C1QTNF12: variants seen among roughly 807,000 people sequenced by gnomAD.
C1QTNF12 encodes adipolin.
In C1QTNF12, 39 loss-of-function variants were observed where a neutral mutation model predicts 34.3. The observed-to-expected ratio is 1.14, with a 90% CI of 0.88 to 1.49. The LOEUF (loss-of-function observed/expected upper bound fraction) is 1.49, where lower values mean the gene tolerates loss of function less well. Ranked by LOEUF, C1QTNF12 falls within the 40% of genes most tolerant of loss-of-function variation. The probability of loss-of-function intolerance (pLI) is 0.00; values close to 1 mark genes in which losing one functional copy is unlikely to be tolerated. For synonymous variants in C1QTNF12, 220 were observed against 196.9 expected (o/e 1.12, Z -0.98); for missense variants, 497 against 424.7 (o/e 1.17, Z -1.50).
Position 1,242,489 on chromosome 1 carries a change from A to T in C1QTNF12, c.*59T>A. ...GCTCTTTATTGTGGTGACCACGGGC[A>T]TCAGTAGGAGGGTCCCCGGGATCCG... On this transcript the variant is annotated 3_prime_UTR_variant, in exon 8 of 8. Coordinates refer to ENST00000330388, the MANE Select transcript of C1QTNF12 (RefSeq NM_001014980.3). 7.7e-7 allele frequency: 1 copy of T among 1,305,384 alleles called. No individual in the cohort carries two copies. The highest frequency in any genetic ancestry group is 2.0e-4 in the Middle Eastern group (1 of 5,064). The allele number at this position is 1,305,384 out of a possible 1,614,324, so 80.9% of individuals were successfully genotyped here.
chr1:1,246,494 C>T lies in C1QTNF12; in HGVS notation c.177+20G>A. 4 of 1,231,118 alleles carry T rather than the reference C, an allele frequency of 3.2e-6. No individual in the cohort carries two copies. Among genetic ancestry groups the T allele is most frequent in the East Asian group, 3.2e-5 (1 of 31,624 alleles). The allele number at this position is 1,231,118 out of a possible 1,614,324, so 76.3% of individuals were successfully genotyped here. On this transcript the variant is annotated intron_variant, in intron 1 of 7. Transcript: ENST00000330388. This position sits in a 1 kb window ranked among gnomAD's most constrained non-coding sequence, Gnocchi z 4.5. ...TCCGAAGCTGCCCCGCGAGGGCCCA[C>T]GTGCGTCCCGGCCGCGTACCTTGGG...
At position 1,244,429 on chromosome 1, in the gene C1QTNF12, C is replaced by T. The variant is rs140614324; in HGVS notation, c.246G>A (p.Pro82=). 14 of 1,611,754 alleles carry T rather than the reference C, an allele frequency of 8.7e-6. No individual in the cohort carries two copies. The highest frequency in any genetic ancestry group is 1.6e-4 in the Middle Eastern group (1 of 6,074). ...ACCGCTTCCTTAAGGCGCCGTCGTC[C>T]GGCCGCCGGACAAAGTTCAGCCATG... The part of the protein sequence containing the change: ...HMTWLNFVRR[P]DDGALRKRCG... The change falls in exon 2 of 8, where the codon CCG becomes CCA. Residue 82 remains proline (P), a synonymous_variant. Transcript: ENST00000330388.
At chr1:1,243,391 A>G in intron 5 of C1QTNF12, 53 bp downstream of exon 5, 1 of 1,495,986 alleles carries the variant, frequency 6.7e-7, no homozygotes, top group Middle Eastern at 1.7e-4. Flanking sequence ...GCGCCCCCAG[A>G]AAGCTCAGCC....
At chr1:1,242,750 G>T in intron 7 of C1QTNF12, 85 bp downstream of exon 7, 3 of 1,563,364 alleles carry the variant, frequency 1.9e-6, no homozygotes, top group Non-Finnish European at 1.8e-6. Flanking sequence ...GGCCCCAGAG[G>T]TCTGCGCCCT....
intron 5 of C1QTNF12, 88 bp from the exon 6 acceptor site, chr1:1,243,240 G>T (rs1189015288): frequency 3.6e-6 from 4 of 1,107,808 alleles, no homozygotes; most frequent in Non-Finnish European, 5.1e-6. Flanking sequence ...TCCCAGGACA[G>T]GCCCAGGAGT....
Position 1,244,487 on chromosome 1 carries a change from G to T in C1QTNF12, c.188C>A (p.Ala63Asp). The change falls in exon 2 of 8, where the codon GCC becomes GAC. Residue 63 changes from alanine (A) to aspartate (D), a missense_variant. Ala to Asp is a moderately radical substitution (Grantham distance 126). Coordinates refer to ENST00000330388, the MANE Select transcript of C1QTNF12 (RefSeq NM_001014980.3). ...GGCGTCGGAGAACTCAGGTCCTGAGGCCTGGGATGGCTGAAGGGACGGGAC... is the reference window on the plus strand; with the variant it reads ...GGCGTCGGAGAACTCAGGTCCTGAGTCCTGGGATGGCTGAAGGGACGGGAC... Reference protein sequence around the residue: ...GLPEAPKPSQASGPEFSDAHM... With the variant: ...GLPEAPKPSQDSGPEFSDAHM... 1 of 1,610,826 alleles carries T rather than the reference G, an allele frequency of 6.2e-7. No individual in the cohort carries two copies. The highest frequency in any genetic ancestry group is 8.5e-7 in the Non-Finnish European group (1 of 1,178,618).
rs1223527060 is a variant in C1QTNF12 at position 1,244,450 on chromosome 1, C to T, written c.225G>A (p.Trp75Ter). Reference sequence around the variant, plus strand: ...CGTCCGGCCGCCGGACAAAGTTCAGCCATGTCATGTGGGCGTCGGAGAACT... The same window carrying T: ...CGTCCGGCCGCCGGACAAAGTTCAGTCATGTCATGTGGGCGTCGGAGAACT... ...GPEFSDAHMT[W>*]LNFVRRPDDG... Residue 75 changes from tryptophan to a stop codon, truncating the protein, a stop_gained, in exon 2 of 8, where the codon TGG (tryptophan) becomes TGA (stop). Coordinates refer to ENST00000330388, the MANE Select transcript of C1QTNF12 (RefSeq NM_001014980.3). LOFTEE classifies it high-confidence loss of function. 4.3e-6 allele frequency: 7 copies of T among 1,611,930 alleles called. No individual in the cohort carries two copies. In the East Asian group the frequency reaches 1.6e-4, roughly 36 times the overall value.
chr1:1,244,747 C>T, intron 1 of C1QTNF12: 1 of 456,380 alleles, frequency 2.2e-6, no homozygotes, highest in South Asian at 3.1e-5. Context: ...CACTCCTCCC[C>T]CTCCTCCCCC....
chr1:1,244,217 A>G lies in C1QTNF12; in HGVS notation c.353T>C (p.Leu118Pro). The change falls in exon 3 of 8, where the codon CTT becomes CCT. Residue 118 changes from leucine to proline, a missense_variant. By Grantham distance (98) the Leu-to-Pro change is moderately conservative (BLOSUM62 -3). Transcript: ENST00000330388. The stretch of plus-strand genomic sequence containing the variant: ...TTTCAGCAGCTCCTGAAACTCGTGA[A>G]GCAGAGTCTCCGCGGTCACTTCTGC... The part of the protein sequence containing the change: ...PGAEVTAETL[L>P]HEFQELLKEA... The G allele has an allele frequency of 6.3e-7, 1 of 1,595,194 alleles. No individual in the cohort carries two copies. The highest frequency in any genetic ancestry group is 8.5e-7 in the Non-Finnish European group (1 of 1,170,994).
Position 1,243,986 on chromosome 1 carries a change from G to T in C1QTNF12, c.499C>A (p.Arg167=). Residue 167 remains arginine (R), a synonymous_variant, in exon 4 of 8, where the codon CGG becomes AGG. Coordinates refer to ENST00000330388, the MANE Select transcript of C1QTNF12 (RefSeq NM_001014980.3). The part of the protein sequence containing the change: ...RLQGPRRVDK[R]TLVELHGFQA... ...AAACCATGCAGCTCCACCAGCGTCC[G>T]CTTGTCCACCCGGCGGGGACCCTGC... 6.2e-7 allele frequency: 1 copy of T among 1,609,372 alleles called. No individual in the cohort carries two copies. Among genetic ancestry groups the T allele is most frequent in the Non-Finnish European group, 8.5e-7 (1 of 1,178,554 alleles).
At chr1:1,247,065 C>T (rs1051565296), upstream of C1QTNF12, among the ~76,000 whole-genome samples, 1 of 152,118 alleles carries the variant, frequency 6.6e-6, no homozygotes, top group Non-Finnish European at 1.5e-5. Flanking sequence ...CCCCCACTGA[C>T]CCCGGCCGCT....
rs768141577 is a variant in C1QTNF12 at position 1,244,508 on chromosome 1, G to A, written c.178-11C>T. 2.7e-5 allele frequency: 43 copies of A among 1,590,170 alleles called. No homozygotes were observed. Among genetic ancestry groups the A allele is most frequent in the South Asian group, 1.8e-4 (16 of 90,628 alleles). Reference sequence around the variant, plus strand: ...TGAGGCCTGGGATGGCTGAAGGGACGGGACGGGGCTAGCGCACTGAGGCTG... The same window carrying A: ...TGAGGCCTGGGATGGCTGAAGGGACAGGACGGGGCTAGCGCACTGAGGCTG... On this transcript the variant is annotated splice_polypyrimidine_tract_variant and intron_variant, in intron 1 of 7. Transcript: ENST00000330388.
At chr1:1,243,653 G>T in intron 4 of C1QTNF12, 101 bp from the exon 5 acceptor site, 1 of 1,020,314 alleles carries the variant, frequency 9.8e-7, no homozygotes, top group South Asian at 1.5e-5. Flanking sequence ...CTCACTCGGA[G>T]CAGCTCTCCC....
At chr1:1,243,397 C>G in intron 5 of C1QTNF12, 47 bp downstream of exon 5, 1 of 1,512,238 alleles carries the variant, frequency 6.6e-7, no homozygotes, top group Non-Finnish European at 9.0e-7. Context: ...CCAGAAAGCT[C>G]AGCCCCAGCC....
chr1:1,242,764 T>C (rs1189884874), intron 7 of C1QTNF12, 71 bp downstream of exon 7: 4 of 1,577,876 alleles, frequency 2.5e-6, no homozygotes, highest in East Asian at 4.5e-5. Context: ...GCGCCCTGAG[T>C]GCACCGAGCT....
Position 1,242,651 on chromosome 1 carries a change from A to G in C1QTNF12, c.811-5T>C. On this transcript the variant is annotated splice_polypyrimidine_tract_variant and splice_region_variant and intron_variant, in intron 7 of 7. Coordinates refer to ENST00000330388, the MANE Select transcript of C1QTNF12 (RefSeq NM_001014980.3). ...CACAGAAGCGTACTGTCCAGCCTGT[A>G]AGAAGCACGGGGACGTCACAACCGC... 2 of 1,588,290 alleles carry G rather than the reference A, an allele frequency of 1.3e-6. No individual in the cohort carries two copies. The highest frequency in any genetic ancestry group is 1.7e-6 in the Non-Finnish European group (2 of 1,167,834).
chr1:1,243,367 G>A, intron 5 of C1QTNF12, 77 bp downstream of exon 5: 2 of 1,362,164 alleles, frequency 1.5e-6, no homozygotes, highest in South Asian at 1.3e-5. Context: ...CGCACCCGGG[G>A]CCGGCGATGC....
At chr1:1,247,174 G>A (rs868384672), upstream of C1QTNF12, among the ~76,000 whole-genome samples, 1 of 150,878 alleles carries the variant, frequency 6.6e-6, no homozygotes, top group South Asian at 2.1e-4. Context: ...CTACCTCCTC[G>A]CCCTCCCTGC....
In C1QTNF12 at chr1:1,243,640, CCCCTCACTCGGAGCAGCTCTCCCGGGA is replaced by C. The variant is rs532324144; in HGVS notation, c.532-115_532-89del. Reference sequence around the variant, plus strand: ...TGGGGAAGGTGCCTGCAACCGACAGCCCCTCACTCGGAGCAGCTCTCCCGGGACCCTCACGCTCACTGTGGGCACCAG... The same window carrying C: ...TGGGGAAGGTGCCTGCAACCGACAGCCCCTCACGCTCACTGTGGGCACCAG... On this transcript the variant is annotated intron_variant, in intron 4 of 7. Coordinates refer to ENST00000330388, the MANE Select transcript of C1QTNF12 (RefSeq NM_001014980.3). 8.1e-4 allele frequency: 915 copies of C among 1,135,488 alleles called. 7 individuals are homozygous for C. In the African/African-American group the frequency reaches 0.012, roughly 15 times the overall value. 70.3% of individuals were successfully genotyped at this position (1,135,488 alleles called of 1,614,324 possible).
Sources: gnomAD v4.1 joint callset for allele counts (sites outside exome capture counted in the v4.1 genomes callset) on GRCh38, gnomAD v4.1.1 for gene constraint, Gnocchi (gnomAD v3.1) non-coding constraint, MANE v1.5 for transcripts, NCBI Gene and HGNC (gene_info 2026-07-23, HGNC 2026-07-21) for gene names.